The following TAFA2 variants were observed in gnomAD, a reference collection of about 807,000 sequenced individuals.
TAFA2 encodes the protein chemokine-like protein TAFA-2.
In TAFA2, 7 loss-of-function variants were observed where a neutral mutation model predicts 18.8. That is an observed-to-expected ratio of 0.37 (90% CI 0.21 to 0.70). The LOEUF is 0.70. Among genes scored for constraint, TAFA2 ranks in the 30% least tolerant of loss-of-function variants. TAFA2 has a pLI of 0.53. For missense variants in TAFA2, 122 were observed against 158.1 expected, an observed-to-expected ratio of 0.77 and a Z score of 1.23; for synonymous variants, 60 against 54.2, an observed-to-expected ratio of 1.11 and a Z score of -0.47.
rs972290327 is a variant in TAFA2 at position 62,228,101 on chromosome 12, TGTTTTAA to T, written c.-130+30655_-130+30661del. 8.7e-4 allele frequency among the ~76,000 whole-genome samples: 132 copies of T among 152,256 alleles called. 2 individuals are homozygous for T. The highest frequency in any genetic ancestry group is 3.0e-3 in the African/African-American group (123 of 41,526). On this transcript the variant is annotated intron_variant, in intron 1 of 5. Coordinates refer to the TAFA2 transcript ENST00000551619. ...CACACACACTTATCTCTGAAATAAT[TGTTTTAA>T]TTTTTAATTTTTTTATCGTTGCCCA...
intron 2 of TAFA2, among the ~76,000 whole-genome samples, chr12:61,858,422 C>T (rs1873978351): frequency 6.6e-6 from 1 of 152,098 alleles, no homozygotes; most frequent in South Asian, 2.1e-4. Flanking sequence ...AATATTATTA[C>T]ATGTGAACAA....
chr12:61,912,546 T>A (rs1440572028), intron 1 of TAFA2, among the ~76,000 whole-genome samples: 1 of 152,178 alleles, frequency 6.6e-6, no homozygotes, highest in Non-Finnish European at 1.5e-5. Flanking sequence ...TTTTAAAAAA[T>A]TTAGAACCTC....
intron 2 of TAFA2, among the ~76,000 whole-genome samples, chr12:61,857,485 T>C (rs1219616387): frequency 6.6e-6 from 1 of 152,216 alleles, no homozygotes; most frequent in Non-Finnish European, 1.5e-5. Flanking sequence ...AGAAATATTC[T>C]TGTGGCAAAT....
chr12:61,946,227 A>T (rs941126614), intron 1 of TAFA2, among the ~76,000 whole-genome samples: 3 of 150,900 alleles, frequency 2.0e-5, no homozygotes, highest in African/African-American at 7.3e-5. Flanking sequence ...TATTTAATAA[A>T]TGGTGCTGGG....
At chr12:61,735,786 G>C (rs188944593) in intron 4 of TAFA2, among the ~76,000 whole-genome samples, 68 of 151,690 alleles carry the variant, frequency 4.5e-4, no homozygotes, top group African/African-American at 1.6e-3. Flanking sequence ...ATATTATTTT[G>C]TTTTTGTTTA....
At chr12:61,844,054 A>G (rs1213902903) in intron 2 of TAFA2, among the ~76,000 whole-genome samples, 1 of 152,160 alleles carries the variant, frequency 6.6e-6, no homozygotes, top group African/African-American at 2.4e-5. Context: ...GTACAAACCT[A>G]GATTATTGAG....
At chr12:62,235,091 C>T (rs1450522421) in intron 1 of TAFA2, 3 of 625,122 alleles carry the variant, frequency 4.8e-6, no homozygotes, top group Non-Finnish European at 6.1e-6. Flanking sequence ...CCCTGGCCAC[C>T]TTTGGAGTAC....
intron 1 of TAFA2, among the ~76,000 whole-genome samples, chr12:61,878,873 T>C (rs1199406616): frequency 1.3e-5 from 2 of 152,166 alleles, no homozygotes; most frequent in African/African-American, 4.8e-5. Context: ...CTAAGAACTT[T>C]TACATCTGTG....
intron 1 of TAFA2, among the ~76,000 whole-genome samples, chr12:62,183,214 C>G (rs552977389): frequency 1.3e-5 from 2 of 152,232 alleles, no homozygotes; most frequent in East Asian, 3.9e-4. Context: ...GTTCCCCCAC[C>G]CCACAACCAC....
intron 2 of TAFA2, among the ~76,000 whole-genome samples, chr12:61,799,258 T>A (rs1463887680): frequency 6.6e-6 from 1 of 152,198 alleles, no homozygotes. Context: ...AATGTGCTGT[T>A]TATAGTTCAC....
intron 1 of TAFA2, among the ~76,000 whole-genome samples, chr12:61,914,036 A>C (rs1361177089): frequency 6.6e-6 from 1 of 152,136 alleles, no homozygotes; most frequent in Non-Finnish European, 1.5e-5. Flanking sequence ...CCATACCGAC[A>C]CCACCCCAAT....
chr12:61,975,514 C>CATGTGTGTGTGT (rs1555180430), intron 1 of TAFA2, among the ~76,000 whole-genome samples: 15 of 136,652 alleles, frequency 1.1e-4, no homozygotes, highest in African/African-American at 4.2e-4. Flanking sequence ...CAATAATATT[C>CATGTGTGTGTGT]GTGTGTGTGT....
intron 2 of TAFA2, among the ~76,000 whole-genome samples, chr12:61,807,109 C>T (rs972123425): frequency 6.7e-6 from 1 of 148,708 alleles, no homozygotes; most frequent in Admixed American, 6.6e-5. Context: ...TGTCAGACGT[C>T]TTCATAGCAG....
intron 2 of TAFA2, among the ~76,000 whole-genome samples, chr12:61,789,035 G>A (rs1309230454): frequency 6.6e-6 from 1 of 151,790 alleles, no homozygotes; most frequent in Non-Finnish European, 1.5e-5. Context: ...TGTAGATTCT[G>A]GATATTAGCC....
chr12:61,919,921 G>A (rs76243609), intron 1 of TAFA2, among the ~76,000 whole-genome samples: 10,427 of 152,034 alleles, frequency 0.069, 471 homozygotes, highest in Non-Finnish European at 0.1. Context: ...TTTTTGCCTC[G>A]TCAGTATAAT....
intron 1 of TAFA2, among the ~76,000 whole-genome samples, chr12:62,025,703 G>C (rs1452726957): frequency 3.3e-5 from 5 of 152,020 alleles, no homozygotes; most frequent in Admixed American, 2.0e-4. Context: ...GTAACACTTA[G>C]TAGAGGATAA....
chr12:62,050,095 C>T (rs1300575992), intron 1 of TAFA2, among the ~76,000 whole-genome samples: 1 of 152,100 alleles, frequency 6.6e-6, no homozygotes, highest in East Asian at 1.9e-4. Context: ...AGTTATCTAT[C>T]CCCTGTACCT....
At chr12:62,060,971 A>G (rs1882332583) in intron 1 of TAFA2, among the ~76,000 whole-genome samples, 1 of 151,958 alleles carries the variant, frequency 6.6e-6, no homozygotes, top group African/African-American at 2.4e-5. Flanking sequence ...TACAGCTGTA[A>G]AATGCATTTT....
At chr12:61,717,278 G>A (rs545410562) in intron 4 of TAFA2, among the ~76,000 whole-genome samples, 60 of 152,250 alleles carry the variant, frequency 3.9e-4, no homozygotes, top group African/African-American at 1.4e-3. Context: ...ACACCTATTG[G>A]TCTGGGATAT....
Sources: gnomAD v4.1 joint callset for allele counts (sites outside exome capture counted in the v4.1 genomes callset) on GRCh38, gnomAD v4.1.1 for gene constraint, MANE v1.5 for transcripts, NCBI Gene and HGNC (gene_info 2026-07-23, HGNC 2026-07-21) for gene names.